Variants in GRIK1 observed in about 807,000 individuals in gnomAD.
The protein encoded by GRIK1 is glutamate receptor ionotropic, kainate 1.
In GRIK1, 69 loss-of-function variants were observed where a neutral mutation model predicts 105.7. The ratio of observed to expected loss-of-function variants is 0.65; its 90% CI spans 0.54 to 0.80. GRIK1 has a LOEUF of 0.80. Among genes scored for constraint, GRIK1 ranks in the 30% least tolerant of loss-of-function variants. GRIK1 has a pLI of 0.00. For synonymous variants in GRIK1, 438 were observed against 431.3 expected (o/e 1.02, Z -0.19); for missense variants, 1,109 against 1,167.3 (o/e 0.95, Z 0.73).
intron 1 of GRIK1, among the ~76,000 whole-genome samples, chr21:29,813,967 T>A (rs2067081732): frequency 6.8e-6 from 1 of 146,590 alleles, no homozygotes; most frequent in African/African-American, 2.5e-5. Context: ...TAGGCTGGAG[T>A]GCAGTGGCAT....
In GRIK1 at chr21:29,555,198, CG is replaced by C; in HGVS notation, c.2460del (p.Glu821ArgfsTer32). On this transcript the variant is annotated frameshift_variant, in exon 16 of 18. Transcript: ENST00000327783. LOFTEE classifies it high-confidence loss of function. ...KEKWWRGNGCPEEDNKEASAL... is the reference protein window; with the variant it reads ...KEKWWRGNGCXEEDNKEASAL... The stretch of plus-strand genomic sequence containing the variant: ...GCACTGGCTTCTTTGTTGTCTTCCT[CG>C]GGGCAGCCATTCCCACGCCACCACT... 6.2e-7 allele frequency: 1 copy of C among 1,613,932 alleles called. No individual in the cohort carries two copies.
intron 1 of GRIK1, among the ~76,000 whole-genome samples, chr21:29,839,196 C>T (rs2145994547): frequency 6.6e-6 from 1 of 152,204 alleles, no homozygotes; most frequent in South Asian, 2.1e-4. Context: ...ACTACAAGCA[C>T]ATGCCACCAT....
intron 11 of GRIK1, 61 bp from the exon 12 acceptor site, chr21:29,587,650 T>C (rs925730085): frequency 1.8e-4 from 160 of 890,872 alleles, no homozygotes; most frequent in Non-Finnish European, 2.3e-5. Context: ...GTCTAGACTT[T>C]TCCTGGGTAC....
In GRIK1 at chr21:29,614,116, T is replaced by G. The variant is rs557495433; in HGVS notation, c.1099-15179A>C. 3.4e-3 allele frequency among the ~76,000 whole-genome samples: 522 copies of G among 152,252 alleles called. 4 individuals are homozygous for G. The highest frequency in any genetic ancestry group is 6.6e-3 in the Non-Finnish European group (451 of 68,010). ...TTTTTTTCCCCCATCGTTTCCTAAA[T>G]GGAGCACTAGCCTGGTGATAGATTC... On this transcript the variant is annotated intron_variant, in intron 7 of 17. Coordinates refer to ENST00000327783, the MANE Select transcript of GRIK1 (RefSeq NM_001330994.2).
chr21:29,537,367 T>G lies in GRIK1; in HGVS notation c.2713A>C (p.Ile905Leu). The part of the protein sequence containing the change: ...GVEKCLSFNA[I>L]MEELGISLKN... ...AGTGAGATTCCCAGTTCTTCCATGA[T>G]AGCGTTGAAAGAGAGACACTAGGGA... Residue 905 changes from isoleucine to leucine, a missense_variant, in exon 18 of 18, where the codon ATC (isoleucine) becomes CTC (leucine). Ile to Leu is a conservative substitution (Grantham distance 5, BLOSUM62 2). Coordinates refer to ENST00000327783, the MANE Select transcript of GRIK1 (RefSeq NM_001330994.2). The G allele has an allele frequency of 6.2e-7, 1 of 1,611,380 alleles. No individual in the cohort carries two copies. The highest frequency in any genetic ancestry group is 1.3e-5 in the African/African-American group (1 of 74,794).
chr21:29,896,943 G>A (rs1413282802), intron 1 of GRIK1, among the ~76,000 whole-genome samples: 1 of 152,144 alleles, frequency 6.6e-6, no homozygotes, highest in East Asian at 1.9e-4. Context: ...TGTAGCTCTT[G>A]CAGCCTCTGA....
chr21:29,834,572 C>T (rs1420376087), intron 1 of GRIK1, among the ~76,000 whole-genome samples: 1 of 150,690 alleles, frequency 6.6e-6, no homozygotes, highest in African/African-American at 2.4e-5. Context: ...AGAGCATGGG[C>T]CTTGAATTCT....
chr21:29,822,784 T>A (rs1040838699), intron 1 of GRIK1, among the ~76,000 whole-genome samples: 2 of 151,976 alleles, frequency 1.3e-5, no homozygotes, highest in Non-Finnish European at 2.9e-5. Context: ...CAAGACATCC[T>A]CGATCTAGAC....
intron 14 of GRIK1, among the ~76,000 whole-genome samples, chr21:29,573,899 T>C (rs926573678): frequency 4.6e-5 from 7 of 151,344 alleles, no homozygotes; most frequent in African/African-American, 1.7e-4. Flanking sequence ...TAAAGGACAC[T>C]TTGTAAATCT....
intron 1 of GRIK1, among the ~76,000 whole-genome samples, chr21:29,706,206 G>GT (rs2063905284): frequency 1.3e-5 from 2 of 151,902 alleles, no homozygotes; most frequent in South Asian, 2.1e-4. Context: ...TTTCCATTTG[G>GT]TTTTTAAAAC....
intron 1 of GRIK1, among the ~76,000 whole-genome samples, chr21:29,867,476 T>G (rs961923192): frequency 1.3e-5 from 2 of 152,096 alleles, no homozygotes; most frequent in African/African-American, 4.8e-5. Flanking sequence ...TGTAGCTTCA[T>G]TATTCCATCA....
intron 12 of GRIK1, 22 bp from the exon 13 acceptor site, chr21:29,581,565 G>C: frequency 7.3e-7 from 1 of 1,366,638 alleles, no homozygotes; most frequent in South Asian, 1.2e-5. Flanking sequence ...AACAGAAACA[G>C]TCTGTAAATA....
At chr21:29,787,557 G>A (rs2145806138) in intron 1 of GRIK1, among the ~76,000 whole-genome samples, 1 of 152,294 alleles carries the variant, frequency 6.6e-6, no homozygotes, top group African/African-American at 2.4e-5. Flanking sequence ...TATTAGAAAT[G>A]CCACTGTGAC....
intron 1 of GRIK1, among the ~76,000 whole-genome samples, chr21:29,788,944 C>T (rs1413584675): frequency 1.3e-5 from 2 of 152,232 alleles, no homozygotes; most frequent in Non-Finnish European, 2.9e-5. Context: ...CACTCACTCA[C>T]TCACGGCTCC....
intron 3 of GRIK1, among the ~76,000 whole-genome samples, chr21:29,680,235 G>A (rs906519442): frequency 3.9e-5 from 6 of 152,208 alleles, no homozygotes; most frequent in Admixed American, 1.3e-4. Flanking sequence ...TACAATGTTT[G>A]AGCAATCATT....
At chr21:29,656,861 G>A (rs2062864538) in intron 4 of GRIK1, among the ~76,000 whole-genome samples, 1 of 152,168 alleles carries the variant, frequency 6.6e-6, no homozygotes, top group Non-Finnish European at 1.5e-5. Flanking sequence ...AATATTTAGT[G>A]AAATTGCAAT....
chr21:29,585,083 C>A (rs933648331), intron 12 of GRIK1, among the ~76,000 whole-genome samples: 1 of 151,944 alleles, frequency 6.6e-6, no homozygotes, highest in Non-Finnish European at 1.5e-5. Context: ...AACACCTCCA[C>A]GTGTGAACCA....
At chr21:29,884,738 C>T (rs923907192) in intron 1 of GRIK1, among the ~76,000 whole-genome samples, 11 of 152,010 alleles carry the variant, frequency 7.2e-5, no homozygotes, top group Admixed American at 1.3e-4. Context: ...GACGAGACAA[C>T]GGAGATTTAG....
At chr21:29,661,228 T>C (rs1167963393) in intron 4 of GRIK1, among the ~76,000 whole-genome samples, 1 of 152,228 alleles carries the variant, frequency 6.6e-6, no homozygotes, top group Non-Finnish European at 1.5e-5. Flanking sequence ...AGAAAAATCC[T>C]GATATACAGA....
Sources: allele counts gnomAD v4.1 joint callset (sites outside exome capture counted in the v4.1 genomes callset), GRCh38; gene constraint gnomAD v4.1.1; transcripts MANE v1.5; gene names NCBI Gene and HGNC (gene_info 2026-07-23, HGNC 2026-07-21).